Variants in WWOX observed in about 807,000 individuals in gnomAD.
The protein encoded by WWOX is WW domain containing oxidoreductase.
A neutral mutation model predicts 46.2 loss-of-function variants in WWOX; 69 were observed. The ratio of observed to expected loss-of-function variants is 1.49; its 90% CI spans 1.23 to 1.82. The LOEUF is 1.82. Among genes scored for constraint, WWOX ranks in the 40% most tolerant of loss-of-function variants. The pLI is 0.00. For missense variants in WWOX, 919 were observed against 542.6 expected (o/e 1.69, Z -6.89); for synonymous variants, 359 against 202.6 (o/e 1.77, Z -6.56).
chr16:78,224,039 T>C (rs2151800378), intron 5 of WWOX, among the ~76,000 whole-genome samples: 1 of 152,278 alleles, frequency 6.6e-6, no homozygotes, highest in East Asian at 1.9e-4. Context: ...AGTCTTGCTC[T>C]GTTGCCCAGG....
intron 8 of WWOX, among the ~76,000 whole-genome samples, chr16:78,475,125 C>G (rs1024930913): frequency 1.3e-5 from 2 of 152,140 alleles, no homozygotes; most frequent in African/African-American, 2.4e-5. Flanking sequence ...TAAACTCTCC[C>G]TCAATATAGC....
At chr16:78,437,637 G>C (rs1367927725) in intron 8 of WWOX, among the ~76,000 whole-genome samples, 1 of 152,084 alleles carries the variant, frequency 6.6e-6, no homozygotes, top group Non-Finnish European at 1.5e-5. Flanking sequence ...GGAAGTGTTT[G>C]TTTCTTCCTC....
chr16:78,990,421 G>A (rs2046863856), intron 8 of WWOX, among the ~76,000 whole-genome samples: 1 of 152,176 alleles, frequency 6.6e-6, no homozygotes, highest in Admixed American at 6.5e-5. Context: ...CTAGGGAATG[G>A]CTGTCTAGCT....
intron 8 of WWOX, among the ~76,000 whole-genome samples, chr16:78,792,870 A>T (rs951590547): frequency 3.3e-5 from 5 of 152,160 alleles, no homozygotes; most frequent in Non-Finnish European, 5.9e-5. Context: ...TTTAGCAGTA[A>T]CAGAATCCAC....
chr16:79,072,691 A>G (rs1193951424), intron 8 of WWOX, among the ~76,000 whole-genome samples: 1 of 152,150 alleles, frequency 6.6e-6, no homozygotes, highest in Admixed American at 6.6e-5. Flanking sequence ...CATCACCATC[A>G]CCATCGTCAT....
At chr16:78,101,600 C>T (rs898861482) in intron 1 of WWOX, among the ~76,000 whole-genome samples, 27 of 152,224 alleles carry the variant, frequency 1.8e-4, no homozygotes, top group African/African-American at 6.0e-4. Context: ...GCATTACAGA[C>T]AGGAGCCACT....
At chr16:78,638,210 A>G (rs1597380404) in intron 8 of WWOX, among the ~76,000 whole-genome samples, 1 of 152,280 alleles carries the variant, frequency 6.6e-6, no homozygotes, top group East Asian at 1.9e-4. Flanking sequence ...TTGTATTCCC[A>G]TTTTGCAGAC....
chr16:78,689,991 G>A (rs2047948821), intron 8 of WWOX, among the ~76,000 whole-genome samples: 1 of 152,038 alleles, frequency 6.6e-6, no homozygotes, highest in Admixed American at 6.6e-5. Flanking sequence ...CTCCTGAGTA[G>A]CTGGGATTAC....
intron 4 of WWOX, among the ~76,000 whole-genome samples, chr16:78,139,192 A>G (rs190103901): frequency 6.6e-6 from 1 of 152,218 alleles, no homozygotes; most frequent in Non-Finnish European, 1.5e-5. Flanking sequence ...TAGTTCTCTC[A>G]GTAGCTATCT....
chr16:79,028,846 A>C (rs1255500366), intron 8 of WWOX, among the ~76,000 whole-genome samples: 1 of 151,704 alleles, frequency 6.6e-6, no homozygotes, highest in African/African-American at 2.4e-5. Flanking sequence ...CTATATCACA[A>C]AAGCATTCTG....
At chr16:78,853,470 T>C (rs1297654955) in intron 8 of WWOX, among the ~76,000 whole-genome samples, 1 of 152,132 alleles carries the variant, frequency 6.6e-6, no homozygotes, top group East Asian at 1.9e-4. Context: ...TATTTAGTTA[T>C]TGATCATCAA....
chr16:78,451,194 A>G (rs1029503473), intron 8 of WWOX, among the ~76,000 whole-genome samples: 1 of 151,928 alleles, frequency 6.6e-6, no homozygotes, highest in Non-Finnish European at 1.5e-5. Context: ...TAGAAATTAA[A>G]CTCACCTTTG....
chr16:79,162,549 G>A (rs1206203474), intron 8 of WWOX, among the ~76,000 whole-genome samples: 1 of 152,148 alleles, frequency 6.6e-6, no homozygotes, highest in Admixed American at 6.5e-5. Context: ...CTCTAGCCCT[G>A]AAGACACAGG....
chr16:79,159,245 C>T (rs2050439162), intron 8 of WWOX, among the ~76,000 whole-genome samples: 1 of 152,236 alleles, frequency 6.6e-6, no homozygotes. Context: ...GAAACCCTCA[C>T]TCCCACCTAA....
chr16:78,479,235 A>T (rs79212444), intron 8 of WWOX, among the ~76,000 whole-genome samples: 1 of 152,190 alleles, frequency 6.6e-6, no homozygotes, highest in East Asian at 1.9e-4. Context: ...AATACCTACT[A>T]TGTGTCTGGC....
At chr16:78,353,017 T>C (rs187428629) in intron 5 of WWOX, among the ~76,000 whole-genome samples, 1 of 152,354 alleles carries the variant, frequency 6.6e-6, no homozygotes, top group East Asian at 1.9e-4. Context: ...GAATGGGTAA[T>C]TTATTCGTCT....
intron 8 of WWOX, among the ~76,000 whole-genome samples, chr16:78,709,486 C>T (rs906952857): frequency 2.6e-5 from 4 of 152,136 alleles, no homozygotes; most frequent in African/African-American, 9.7e-5. Context: ...GTATTCTGTT[C>T]ATCTCTGACA....
At chr16:78,334,825 C>CATACACACACACACGCACACACACACAG (rs1567508400) in intron 5 of WWOX, among the ~76,000 whole-genome samples, 4 of 130,756 alleles carry the variant, frequency 3.1e-5, no homozygotes, top group African/African-American at 1.2e-4. Flanking sequence ...CACACACACA[C>CATACACACACACACGCACACACACACAG]ACACACATAC....
intron 8 of WWOX, among the ~76,000 whole-genome samples, chr16:78,881,000 T>C (rs1275399836): frequency 1.3e-5 from 2 of 149,472 alleles, no homozygotes; most frequent in African/African-American, 4.9e-5. Context: ...TTCTTTTTTT[T>C]TTTTTTTTTT....
Sources: allele counts gnomAD v4.1 joint callset (sites outside exome capture counted in the v4.1 genomes callset), GRCh38; gene constraint gnomAD v4.1.1; transcripts MANE v1.5; gene names NCBI Gene and HGNC (gene_info 2026-07-23, HGNC 2026-07-21).